The following PCDHA3 variants were observed in gnomAD, a reference collection of about 807,000 sequenced individuals.
PCDHA3 encodes protocadherin alpha 3.
Under a neutral mutation model 62.2 loss-of-function variants are expected in PCDHA3, and 41 were observed. That is an observed-to-expected ratio of 0.66 (90% confidence interval 0.51 to 0.86). The LOEUF is 0.86. Ranked by LOEUF, PCDHA3 falls within the 40% of genes least tolerant of loss-of-function variation. The probability of loss-of-function intolerance (pLI) is 0.00; values close to 1 mark genes in which losing one functional copy is unlikely to be tolerated. For missense variants in PCDHA3, 1,304 were observed against 1,241.2 expected (o/e 1.05, Z -0.76); for synonymous variants, 640 against 555.4 (o/e 1.15, Z -2.14).
At chr5:140,949,694 G>C (rs1447787366) in intron 1 of PCDHA3, among the ~76,000 whole-genome samples, 1 of 151,590 alleles carries the variant, frequency 6.6e-6, no homozygotes, top group Non-Finnish European at 1.5e-5. Context: ...CGTATTGTTG[G>C]ATCTTGCTGT....
intron 1 of PCDHA3, chr5:140,864,749 C>T (rs544244056): frequency 6.6e-6 from 1 of 152,178 alleles, no homozygotes; most frequent in East Asian, 1.9e-4. Context: ...ACCGATTATA[C>T]TCATTTTTCT....
intron 3 of PCDHA3, among the ~76,000 whole-genome samples, chr5:141,003,515 G>C (rs1402480495): frequency 1.3e-5 from 2 of 152,114 alleles, no homozygotes; most frequent in Admixed American, 6.5e-5. Flanking sequence ...GTTTCACCAT[G>C]TTCCCTAGGC....
At chr5:140,847,826 A>C (rs914616937) in intron 1 of PCDHA3, 1 of 149,784 alleles carries the variant, frequency 6.7e-6, no homozygotes, top group Non-Finnish European at 1.5e-5. Context: ...TACTCAAGAA[A>C]ACTACCTCAG....
At chr5:141,000,414 TATATATA>T (rs1167743190) in intron 3 of PCDHA3, among the ~76,000 whole-genome samples, 31 of 99,528 alleles carry the variant, frequency 3.1e-4, no homozygotes, top group African/African-American at 9.8e-4. Context: ...TATATATATA[TATATATA>T]TTTTTTTTTT....
At chr5:140,856,152 A>T in intron 1 of PCDHA3, 1 of 1,598,182 alleles carries the variant, frequency 6.3e-7, no homozygotes, top group Non-Finnish European at 8.6e-7. Flanking sequence ...TACTCAGTCT[A>T]CGAGGAGGCC....
chr5:140,875,419 G>A (rs782346114), intron 1 of PCDHA3: 51 of 1,516,154 alleles, frequency 3.4e-5, no homozygotes, highest in Admixed American at 4.8e-5. Context: ...AATACCTCAG[G>A]CAAGCGATCC....
intron 1 of PCDHA3, chr5:140,812,764 A>G (rs1266568194): frequency 6.6e-6 from 1 of 152,142 alleles, no homozygotes; most frequent in Non-Finnish European, 1.5e-5. Context: ...TGCCCAGCTT[A>G]ATATTCCTTC....
At chr5:140,846,552 T>G (rs1445405487) in intron 1 of PCDHA3, among the ~76,000 whole-genome samples, 2 of 148,312 alleles carry the variant, frequency 1.3e-5, no homozygotes, top group African/African-American at 4.9e-5. Context: ...TTTTTTGTAT[T>G]TTTAGTAGAG....
At chr5:140,861,150 G>T (rs2046778141) in intron 1 of PCDHA3, 1 of 154,448 alleles carries the variant, frequency 6.5e-6, no homozygotes, top group Non-Finnish European at 1.4e-5. Flanking sequence ...TCAGGAACAA[G>T]GACCAAAAGG....
intron 3 of PCDHA3, among the ~76,000 whole-genome samples, chr5:141,005,018 T>G (rs2098193299): frequency 6.6e-6 from 1 of 152,250 alleles, no homozygotes; most frequent in Non-Finnish European, 1.5e-5. Context: ...AGCTGCATTA[T>G]ATATAATTGC....
intron 1 of PCDHA3, among the ~76,000 whole-genome samples, chr5:140,959,996 A>T (rs1042631849): frequency 3.3e-5 from 5 of 152,228 alleles, no homozygotes; most frequent in Admixed American, 6.5e-5. Context: ...GATATGAAAT[A>T]CAAATCTATT....
intron 1 of PCDHA3, among the ~76,000 whole-genome samples, chr5:140,951,543 C>A (rs246041): frequency 1.3e-5 from 2 of 151,428 alleles, no homozygotes; most frequent in South Asian, 2.1e-4. Flanking sequence ...GAGCAAGGGA[C>A]GGGGGGAAGT....
chr5:140,851,237 G>A (rs782702575), intron 1 of PCDHA3: 5 of 1,101,536 alleles, frequency 4.5e-6, no homozygotes, highest in African/African-American at 1.6e-5. Context: ...TTTATTTATT[G>A]CTAAATGATG....
Position 140,808,446 on chromosome 5 carries a change from C to A in PCDHA3, c.2394+4855C>A, listed in dbSNP as rs782693036. ...GCCCTGGACCGCGAGAGCGTGTCAG[C>A]CTATGAGCTGGTGGTGACCGCGCGA... On this transcript the variant is annotated intron_variant, in intron 1 of 3. Coordinates refer to ENST00000522353, the MANE Select transcript of PCDHA3 (RefSeq NM_018906.3). The A allele has an allele frequency of 2.2e-5, 36 of 1,614,080 alleles. No individual in the cohort carries two copies. The highest frequency in any genetic ancestry group is 4.2e-6 in the Non-Finnish European group (5 of 1,180,060).
intron 1 of PCDHA3, among the ~76,000 whole-genome samples, chr5:140,907,844 C>T (rs1402744978): frequency 1.3e-5 from 2 of 152,218 alleles, no homozygotes; most frequent in African/African-American, 4.8e-5. Context: ...TATTAAAATC[C>T]TCCTCTGCTG....
At position 140,802,412 on chromosome 5, in the gene PCDHA3, C is replaced by T. The variant is rs782538317; in HGVS notation, c.1215C>T (p.Tyr405=). ...TGGTGTCCACCTTCAAGAATTACTA[C>T]TCATTGGTGCTGGACAGCCCTCTGG... ...FKLVSTFKNY[Y]SLVLDSPLDR... Residue 405 remains tyrosine (Y), a synonymous_variant, in exon 1 of 4, where the codon TAC becomes TAT. Coordinates refer to ENST00000522353, the MANE Select transcript of PCDHA3 (RefSeq NM_018906.3). 5.0e-6 allele frequency: 8 copies of T among 1,614,126 alleles called. No homozygotes were observed. Among genetic ancestry groups the T allele is most frequent in the African/African-American group, 2.7e-5 (2 of 74,948 alleles).
rs2098417240 is a variant in PCDHA3 at position 141,010,418 on chromosome 5, G to A, written c.*481G>A. Reference sequence around the variant, plus strand: ...AGCCAGCTTAGACTAATTGGTACAAGGAAGGCAAGAAAACAAAGACAAATA... The same window carrying A: ...AGCCAGCTTAGACTAATTGGTACAAAGAAGGCAAGAAAACAAAGACAAATA... On this transcript the variant is annotated 3_prime_UTR_variant, in exon 4 of 4. Coordinates refer to ENST00000522353, the MANE Select transcript of PCDHA3 (RefSeq NM_018906.3). The A allele has an allele frequency of 3.4e-6, 4 of 1,168,142 alleles. No homozygotes were observed. The East Asian group carries it at 1.0e-4, about 30-fold the overall frequency. The allele number at this position is 1,168,142 out of a possible 1,614,324, so 72.4% of individuals were successfully genotyped here. A position where few individuals can be genotyped will look rare whatever the true frequency, so the allele number is the denominator to read the frequency against.
At chr5:140,843,396 C>T (rs2150359152) in intron 1 of PCDHA3, 1 of 1,596,034 alleles carries the variant, frequency 6.3e-7, no homozygotes, top group Non-Finnish European at 8.6e-7. Flanking sequence ...CCGGAAGCGG[C>T]GCTGGTGGAT....
At chr5:140,852,885 A>AT (rs2150523673) in intron 1 of PCDHA3, 18,210 of 741,434 alleles carry the variant, frequency 0.025, 18 homozygotes, top group Non-Finnish European at 0.027. Context: ...CATAAAACGT[A>AT]TTTTTTTTTT....
Sources: allele counts gnomAD v4.1 joint callset (sites outside exome capture counted in the v4.1 genomes callset), GRCh38; gene constraint gnomAD v4.1.1; transcripts MANE v1.5; gene names NCBI Gene and HGNC (gene_info 2026-07-23, HGNC 2026-07-21).